The following SULT1E1 variants were observed in gnomAD, a reference collection of about 807,000 sequenced individuals.
SULT1E1 encodes sulfotransferase family 1E member 1, also known as sulfotransferase 1E1.
Under a neutral mutation model 33.6 loss-of-function variants are expected in SULT1E1, and 36 were observed. That is an observed-to-expected ratio of 1.07 (90% confidence interval 0.82 to 1.41). The LOEUF is 1.41. SULT1E1 is among the 40% of genes most tolerant of loss of function. The probability of loss-of-function intolerance (pLI) is 0.00; values close to 1 mark genes in which losing one functional copy is unlikely to be tolerated. For synonymous variants in SULT1E1, 121 were observed against 111.7 expected, an observed-to-expected ratio of 1.08 and a Z score of -0.53; for missense variants, 371 against 345.7, an observed-to-expected ratio of 1.07 and a Z score of -0.58.
At chr4:69,852,753 T>A (rs917238749) in intron 4 of SULT1E1, among the ~76,000 whole-genome samples, 1 of 152,150 alleles carries the variant, frequency 6.6e-6, no homozygotes, top group Non-Finnish European at 1.5e-5. Context: ...CATGAATCCC[T>A]CCAACTATCT....
Position 69,855,304 on chromosome 4 carries a change from T to C in SULT1E1, c.268A>G (p.Asn90Asp). 1 of 1,612,058 alleles carries C rather than the reference T, an allele frequency of 6.2e-7. No homozygotes were observed. The highest frequency in any genetic ancestry group is 8.5e-7 in the Non-Finnish European group (1 of 1,178,996). ...FLECRKENLM[N>D]GVKQLDEMNS... The stretch of plus-strand genomic sequence containing the variant: ...TTAAAATCAACTTGAACGTTACCAT[T>C]CATGAGGTTTTCTTTTCTGCATTCC... Residue 90 changes from asparagine to aspartate, a missense_variant, in exon 3 of 8, where the codon AAT becomes GAT. Physicochemically the swap from Asn to Asp is conservative, Grantham distance 23 (BLOSUM62 1). Transcript: ENST00000226444.
downstream of SULT1E1, among the ~76,000 whole-genome samples, chr4:69,836,282 C>T (rs1720795450): frequency 6.6e-6 from 1 of 152,194 alleles, no homozygotes; most frequent in South Asian, 2.1e-4. Flanking sequence ...TATACTAAAA[C>T]TCTTCCTCCT....
intron 4 of SULT1E1, among the ~76,000 whole-genome samples, chr4:69,852,973 A>T (rs1017105847): frequency 1.3e-5 from 2 of 152,100 alleles, no homozygotes; most frequent in African/African-American, 4.8e-5. Context: ...TACTAATGAG[A>T]CAGCCCTTAT....
the SULT1E1 span, among the ~76,000 whole-genome samples, chr4:69,821,730 G>A: frequency 6.6e-6 from 1 of 152,128 alleles, no homozygotes; most frequent in Non-Finnish European, 1.5e-5. Context: ...TTTTACGTGT[G>A]CATTAAACAA....
At position 69,841,793 on chromosome 4, in the gene SULT1E1, A is replaced by G. The variant is rs1286954336; in HGVS notation, c.*201T>C. On this transcript the variant is annotated 3_prime_UTR_variant, in exon 8 of 8. Coordinates refer to ENST00000226444, the MANE Select transcript of SULT1E1 (RefSeq NM_005420.3). ...GAGGTCAAGGCTGCAATCAGCCATG[A>G]TTGTGCCACTGTCCTCCAGCCTAGG... The G allele has an allele frequency of 9.8e-6, 4 of 406,720 alleles. No individual in the cohort carries two copies. The highest frequency in any genetic ancestry group is 1.7e-5 in the Non-Finnish European group (4 of 231,852). The allele number at this position is 406,720 out of a possible 1,614,324, so 25.2% of individuals were successfully genotyped here.
intron 7 of SULT1E1, among the ~76,000 whole-genome samples, chr4:69,842,505 G>GA (rs1185611712): frequency 6.6e-6 from 1 of 152,116 alleles, no homozygotes; most frequent in East Asian, 1.9e-4. Flanking sequence ...TTTGCCACCT[G>GA]AAAAATGTCC....
intron 7 of SULT1E1, 24 bp from the exon 8 acceptor site, chr4:69,842,130 T>A: frequency 7.4e-7 from 1 of 1,355,286 alleles, no homozygotes; most frequent in Non-Finnish European, 1.0e-6. Context: ...GAAAGCTCAA[T>A]AAATATTAAG....
chr4:69,844,903 T>C (rs1414318324), intron 6 of SULT1E1, among the ~76,000 whole-genome samples: 1 of 152,134 alleles, frequency 6.6e-6, no homozygotes, highest in African/African-American at 2.4e-5. Flanking sequence ...TGCAACTATT[T>C]GCAATACTAA....
intron 6 of SULT1E1, among the ~76,000 whole-genome samples, chr4:69,845,068 T>G (rs1012480765): frequency 1.3e-5 from 2 of 152,082 alleles, no homozygotes; most frequent in Admixed American, 1.3e-4. Context: ...TTTGGGTAGA[T>G]GACCCTGTTT....
downstream of SULT1E1, among the ~76,000 whole-genome samples, chr4:69,839,950 C>T (rs187709941): frequency 9.1e-4 from 138 of 152,282 alleles, no homozygotes; most frequent in African/African-American, 2.8e-3. Context: ...CAGAAATATA[C>T]GTAGGTTTAT....
chr4:69,857,807 T>G (rs1274900201), intron 1 of SULT1E1, among the ~76,000 whole-genome samples, 154 bp from the exon 2 acceptor site: 2 of 152,176 alleles, frequency 1.3e-5, no homozygotes, highest in African/African-American at 2.4e-5. Flanking sequence ...ATCAAATAGT[T>G]TTGGTACATA....
At chr4:69,850,692 C>T (rs1379315507) in intron 4 of SULT1E1, among the ~76,000 whole-genome samples, 1 of 152,000 alleles carries the variant, frequency 6.6e-6, no homozygotes, top group African/African-American at 2.4e-5. Flanking sequence ...TCAGAATTTT[C>T]ACCCCTTGTC....
At chr4:69,830,510 A>AT in the SULT1E1 span, among the ~76,000 whole-genome samples, 16 of 152,044 alleles carry the variant, frequency 1.1e-4, no homozygotes, top group African/African-American at 3.4e-4. Context: ...CACCTCTGAG[A>AT]TTTTTTCCTG....
intron 6 of SULT1E1, among the ~76,000 whole-genome samples, chr4:69,844,886 C>G (rs1173731228): frequency 6.6e-6 from 1 of 152,102 alleles, no homozygotes. Flanking sequence ...TCAGCTATAT[C>G]TCTCAGTGCA....
At chr4:69,857,708 T>G in intron 1 of SULT1E1, 55 bp from the exon 2 acceptor site, 2 of 1,502,586 alleles carry the variant, frequency 1.3e-6, no homozygotes, top group Non-Finnish European at 1.8e-6. Context: ...ATTTCACCAT[T>G]AACAACTATG....
chr4:69,840,758 G>T (rs748403667), downstream of SULT1E1, among the ~76,000 whole-genome samples: 5 of 152,262 alleles, frequency 3.3e-5, no homozygotes, highest in African/African-American at 9.6e-5. Flanking sequence ...GAAAGTAAAA[G>T]AAAATGGGCC....
chr4:69,829,030 C>A, the SULT1E1 span, among the ~76,000 whole-genome samples: 1 of 152,096 alleles, frequency 6.6e-6, no homozygotes, highest in Non-Finnish European at 1.5e-5. Context: ...CTGTGATTGA[C>A]CCCACTGGAA....
the SULT1E1 span, among the ~76,000 whole-genome samples, chr4:69,826,074 A>G: frequency 2.6e-5 from 4 of 152,306 alleles, no homozygotes; most frequent in African/African-American, 9.6e-5. Context: ...CAGGCCTAAC[A>G]AAAGCTATTC....
chr4:69,831,673 G>A, the SULT1E1 span, among the ~76,000 whole-genome samples: 1 of 152,092 alleles, frequency 6.6e-6, no homozygotes, highest in East Asian at 1.9e-4. Flanking sequence ...CCTTTACGAT[G>A]TGCACTCGCT....
Sources: gnomAD v4.1 joint callset for allele counts (sites outside exome capture counted in the v4.1 genomes callset) on GRCh38, gnomAD v4.1.1 for gene constraint, MANE v1.5 for transcripts, NCBI Gene and HGNC (gene_info 2026-07-23, HGNC 2026-07-21) for gene names.